The following MTMR9 variants were observed in gnomAD, a reference collection of about 807,000 sequenced individuals.
MTMR9 encodes the protein myotubularin-related protein 9.
A neutral mutation model predicts 69.5 loss-of-function variants in MTMR9; 39 were observed. The observed-to-expected ratio is 0.56, with a 90% CI of 0.43 to 0.73. MTMR9 has a LOEUF of 0.73. Ranked by LOEUF, MTMR9 falls within the 30% of genes least tolerant of loss-of-function variation. MTMR9 has a pLI of 0.00. For missense variants in MTMR9, 900 were observed against 671.2 expected (o/e 1.34, Z -3.77); for synonymous variants, 354 against 240.8 (o/e 1.47, Z -4.35).
chr8:11,289,207 G>C (rs139604932), intron 1 of MTMR9, among the ~76,000 whole-genome samples: 1 of 152,124 alleles, frequency 6.6e-6, no homozygotes, highest in Admixed American at 6.6e-5. Flanking sequence ...AAACAGTAGT[G>C]TAGTCACAAG....
intron 2 of MTMR9, among the ~76,000 whole-genome samples, chr8:11,297,149 C>A (rs1237903227): frequency 6.6e-6 from 1 of 151,804 alleles, no homozygotes; most frequent in South Asian, 2.1e-4. Context: ...ACTTTGTGTC[C>A]AAAAAATGCT....
Position 11,302,102 on chromosome 8 carries a change from A to G in MTMR9, c.417+1954A>G, listed in dbSNP as rs1352093466. Among the ~76,000 whole-genome samples, 5 of 152,046 alleles carry G rather than the reference A, an allele frequency of 3.3e-5. No individual in the cohort carries two copies. The East Asian group carries it at 7.8e-4, about 24-fold the overall frequency. Reference sequence around the variant, plus strand: ...GGTGAAACCCCATCTCTATGAAAAAATTTAGCTAGGTGTGATAATGTGTGT... The same window carrying G: ...GGTGAAACCCCATCTCTATGAAAAAGTTTAGCTAGGTGTGATAATGTGTGT... On this transcript the variant is annotated intron_variant, in intron 3 of 9. Transcript: ENST00000221086.
intron 2 of MTMR9, among the ~76,000 whole-genome samples, chr8:11,299,743 T>C (rs1031166452): frequency 6.6e-6 from 1 of 152,248 alleles, no homozygotes; most frequent in Admixed American, 6.5e-5. Context: ...TTATTTCATT[T>C]TTCTTCTAGA....
rs140588695 is a variant in MTMR9 at position 11,290,214 on chromosome 8, A to G, written c.183-4980A>G. ...TTTCATTAATTATTAGTGTTTAATT[A>G]TCTTTGTATATGCTTGTGAGCAGTA... is the stretch of plus-strand genomic sequence containing the variant. On this transcript the variant is annotated intron_variant, in intron 1 of 9. Coordinates refer to ENST00000221086, the MANE Select transcript of MTMR9 (RefSeq NM_015458.4). 9.6e-4 allele frequency among the ~76,000 whole-genome samples: 146 copies of G among 152,290 alleles called. 3 individuals are homozygous for G. The East Asian group carries it at 0.025, about 26-fold the overall frequency.
downstream of MTMR9, among the ~76,000 whole-genome samples, chr8:11,329,029 A>G (rs548308343): frequency 1.3e-5 from 2 of 152,310 alleles, no homozygotes; most frequent in East Asian, 3.9e-4. Context: ...ACTTTGTTGA[A>G]GAGACTGTCC....
rs1799100628 is a variant in MTMR9, at chr8:11,285,128, C to T, written c.182+58C>T. 7 of 1,448,228 alleles carry T rather than the reference C, an allele frequency of 4.8e-6. No individual in the cohort carries two copies. In the East Asian group the frequency reaches 1.3e-4, roughly 27 times the overall value. The allele number at this position is 1,448,228 out of a possible 1,614,324, so 89.7% of individuals were successfully genotyped here. ...AGCCGGGGGTCCCTTGTGGGCGCCCCGGGAAATACTTCCTGGCGTTTTCCG... is the reference window on the plus strand; with the variant it reads ...AGCCGGGGGTCCCTTGTGGGCGCCCTGGGAAATACTTCCTGGCGTTTTCCG... On this transcript the variant is annotated intron_variant, in intron 1 of 9. Coordinates refer to ENST00000221086, the MANE Select transcript of MTMR9 (RefSeq NM_015458.4).
chr8:11,310,586 G>C (rs1039703349), intron 6 of MTMR9, among the ~76,000 whole-genome samples: 1 of 152,120 alleles, frequency 6.6e-6, no homozygotes, highest in Admixed American at 6.5e-5. Context: ...GGCTATCCCT[G>C]TTCTTTCTGT....
chr8:11,292,349 A>G (rs1799403968), intron 1 of MTMR9, among the ~76,000 whole-genome samples: 1 of 152,158 alleles, frequency 6.6e-6, no homozygotes, highest in African/African-American at 2.4e-5. Flanking sequence ...CAAGCCATTT[A>G]CTTGCCAGTG....
intron 3 of MTMR9, among the ~76,000 whole-genome samples, chr8:11,302,766 A>G (rs1799795489): frequency 6.6e-6 from 1 of 152,182 alleles, no homozygotes; most frequent in Non-Finnish European, 1.5e-5. Flanking sequence ...AAAATTGTCA[A>G]TATTTATTGA....
At chr8:11,331,185 T>A (rs376937675), downstream of MTMR9, 5 of 1,613,654 alleles carry the variant, frequency 3.1e-6, no homozygotes, top group Non-Finnish European at 4.2e-6. Context: ...CAGCCTCCGC[T>A]GGCACCAGCG....
At chr8:11,337,376 A>G in the MTMR9 span, among the ~76,000 whole-genome samples, 1 of 152,154 alleles carries the variant, frequency 6.6e-6, no homozygotes, top group Non-Finnish European at 1.5e-5. Flanking sequence ...CTTCTCTTTC[A>G]CCTTGGATAT....
chr8:11,300,284 G>A (rs537340251), intron 3 of MTMR9, 136 bp downstream of exon 3: 11 of 931,744 alleles, frequency 1.2e-5, no homozygotes, highest in Non-Finnish European at 1.4e-5. Flanking sequence ...ATATTTAAAA[G>A]GATTGAAGCC....
intron 2 of MTMR9, chr8:11,297,873 C>T (rs1488050145): frequency 2.2e-6 from 1 of 456,208 alleles, no homozygotes; most frequent in Non-Finnish European, 4.4e-6. Flanking sequence ...CATAGTGAAC[C>T]TGTCCTCTAT....
chr8:11,291,906 C>T (rs955347019), intron 1 of MTMR9, among the ~76,000 whole-genome samples: 28 of 136,204 alleles, frequency 2.1e-4, no homozygotes, highest in Admixed American at 1.5e-3. Flanking sequence ...GTACAGTCGA[C>T]GTATTACACA....
intron 8 of MTMR9, 191 bp downstream of exon 8, chr8:11,317,084 G>C (rs1468142846): frequency 1.2e-5 from 5 of 401,734 alleles, no homozygotes; most frequent in Non-Finnish European, 1.7e-5. Flanking sequence ...CCTAGACTTT[G>C]TTCTGTTAGG....
the MTMR9 span, among the ~76,000 whole-genome samples, chr8:11,338,964 GC>G: frequency 2.0e-5 from 3 of 152,150 alleles, no homozygotes. Context: ...AACTGATAAT[GC>G]CATGGGACTC....
At chr8:11,311,907 C>A (rs1399312051) in intron 6 of MTMR9, among the ~76,000 whole-genome samples, 4 of 145,482 alleles carry the variant, frequency 2.7e-5, no homozygotes, top group African/African-American at 1.0e-4. Context: ...GTCATTTCAA[C>A]AATATTCACA....
rs1585105717 is a variant in MTMR9, at chr8:11,289,005, C to G, written c.182+3935C>G. The stretch of plus-strand genomic sequence containing the variant: ...TGGCCAGTATGGTGAAACCTCATCT[C>G]TACTGAAAATACAAAAAATAGCTGG... On this transcript the variant is annotated intron_variant, in intron 1 of 9. Coordinates refer to ENST00000221086, the MANE Select transcript of MTMR9 (RefSeq NM_015458.4). 2.0e-5 allele frequency among the ~76,000 whole-genome samples: 3 copies of G among 152,230 alleles called. No individual in the cohort carries two copies. The East Asian group carries it at 5.8e-4, about 29-fold the overall frequency.
At chr8:11,296,339 C>G (rs1348818196) in intron 2 of MTMR9, among the ~76,000 whole-genome samples, 2 of 152,106 alleles carry the variant, frequency 1.3e-5, no homozygotes. Flanking sequence ...ATAGCAGCTA[C>G]CATTTGAGGG....
Sources: allele counts gnomAD v4.1 joint callset (sites outside exome capture counted in the v4.1 genomes callset), GRCh38; gene constraint gnomAD v4.1.1; transcripts MANE v1.5; gene names NCBI Gene and HGNC (gene_info 2026-07-23, HGNC 2026-07-21).